TOPBP1: variants seen among roughly 807,000 people sequenced by gnomAD.
The protein encoded by TOPBP1 is DNA topoisomerase II binding protein 1.
Under a neutral mutation model 167.7 loss-of-function variants are expected in TOPBP1, and 28 were observed. The ratio of observed to expected loss-of-function variants is 0.17; its 90% CI spans 0.12 to 0.23. The LOEUF is 0.23. Ranked by LOEUF, TOPBP1 falls within the 10% of genes least tolerant of loss-of-function variation. The pLI is 1.00. For missense variants in TOPBP1, 1,554 were observed against 1,809.6 expected (o/e 0.86, Z 2.56); for synonymous variants, 598 against 611.4 (o/e 0.98, Z 0.32).
chr3:133,645,842 C>A (rs1275264797), intron 10 of TOPBP1, among the ~76,000 whole-genome samples: 4 of 152,098 alleles, frequency 2.6e-5, no homozygotes, highest in Non-Finnish European at 2.9e-5. Flanking sequence ...ACATAATAAA[C>A]CTATCATTCA....
chr3:133,611,331 A>C (rs1934667844), intron 24 of TOPBP1, among the ~76,000 whole-genome samples, 190 bp from the exon 25 acceptor site: 1 of 152,258 alleles, frequency 6.6e-6, no homozygotes, highest in African/African-American at 2.4e-5. Context: ...TTCATATAAG[A>C]GTCAAGTATA....
At chr3:133,652,175 G>A (rs1248182826) in intron 8 of TOPBP1, among the ~76,000 whole-genome samples, 1 of 152,014 alleles carries the variant, frequency 6.6e-6, no homozygotes, top group African/African-American at 2.4e-5. Context: ...CAGAAACTAA[G>A]TGCTCTCGAA....
Position 133,659,008 on chromosome 3 carries a change from C to G in TOPBP1, c.219+8G>C, listed in dbSNP as rs1936586006. On this transcript the variant is annotated splice_region_variant and intron_variant, in intron 3 of 27. Coordinates refer to ENST00000260810, the MANE Select transcript of TOPBP1 (RefSeq NM_007027.4). The stretch of plus-strand genomic sequence containing the variant: ...ACTACCAAAGGTACACACTAGAAGT[C>G]AGCAAACCTTTTTGAGGTGATCAAA... 6.3e-7 allele frequency: 1 copy of G among 1,592,696 alleles called. No individual in the cohort carries two copies. The highest frequency in any genetic ancestry group is 1.3e-5 in the African/African-American group (1 of 74,286).
At chr3:133,653,314 G>GA (rs753283679) in intron 7 of TOPBP1, 31 bp downstream of exon 7, 1 of 1,526,894 alleles carries the variant, frequency 6.5e-7, no homozygotes, top group Non-Finnish European at 8.8e-7. Flanking sequence ...ACTGTCTTCA[G>GA]AATAATTATT....
At chr3:133,617,115 C>T (rs753430937) in intron 22 of TOPBP1, 45 bp downstream of exon 22, 2 of 1,548,054 alleles carry the variant, frequency 1.3e-6, no homozygotes, top group Admixed American at 4.3e-5. Flanking sequence ...TACAGCCTAA[C>T]AGCAGTATGC....
In TOPBP1 at chr3:133,628,379, A is replaced by G; in HGVS notation, c.2787T>C (p.Ser929=). The change falls in exon 16 of 28, where the codon TCT becomes TCC. Residue 929 remains serine (S), a synonymous_variant. Coordinates refer to ENST00000260810, the MANE Select transcript of TOPBP1 (RefSeq NM_007027.4). ...CCAACTACCTGTAATCTGCTCCTAG[A>G]GAGGCTGCGATCCCATTTAGTTCAC... ...KQSELNGIAA[S]LGADYRWSFD... The G allele has an allele frequency of 6.2e-7, 1 of 1,602,316 alleles. No homozygotes were observed. The highest frequency in any genetic ancestry group is 8.5e-7 in the Non-Finnish European group (1 of 1,173,772).
Position 133,649,849 on chromosome 3 carries a change from T to C in TOPBP1, c.1184A>G (p.Asp395Gly), listed in dbSNP as rs755071072. ...ATCTCCCACAATAACATGAGTTACA[T>C]CTTCATTTAGCTGGTTAAAACGAAC... ...GGVRFNQLNE[D>G]VTHVIVGDYD... The change falls in exon 9 of 28, where the codon GAT becomes GGT. Residue 395 changes from aspartate (D) to glycine (G), a missense_variant. Physicochemically the swap from Asp to Gly is moderately conservative, Grantham distance 94. This residue lies in a region of TOPBP1 where 1,197 missense variants were observed against 1,351.5 expected (regional missense o/e 0.89). Coordinates refer to ENST00000260810, the MANE Select transcript of TOPBP1 (RefSeq NM_007027.4). The C allele has an allele frequency of 6.2e-7, 1 of 1,613,326 alleles. No homozygotes were observed. The highest frequency in any genetic ancestry group is 8.5e-7 in the Non-Finnish European group (1 of 1,179,720).
At position 133,637,954 on chromosome 3, in the gene TOPBP1, C is replaced by T. The variant is rs1935734170; in HGVS notation, c.2442G>A (p.Lys814=). 1 of 1,613,978 alleles carries T rather than the reference C, an allele frequency of 6.2e-7. No homozygotes were observed. Among genetic ancestry groups the T allele is most frequent in the Non-Finnish European group, 8.5e-7 (1 of 1,179,868 alleles). Residue 814 remains lysine, a synonymous_variant, in exon 14 of 28, where the codon AAG becomes AAA. Coordinates refer to ENST00000260810, the MANE Select transcript of TOPBP1 (RefSeq NM_007027.4). ...ASPAVGQPLQ[K]EPSLHLDTPS... ...GTGTATCCAGGTGTAACGAGGGCTCCTTCTGAAGTGGTTGTCCTACTGCTG... is the reference window on the plus strand; with the variant it reads ...GTGTATCCAGGTGTAACGAGGGCTCTTTCTGAAGTGGTTGTCCTACTGCTG...
intron 16 of TOPBP1, among the ~76,000 whole-genome samples, chr3:133,625,147 A>C (rs998782601): frequency 1.3e-5 from 2 of 152,108 alleles, no homozygotes; most frequent in African/African-American, 4.8e-5. Context: ...TTGTATTTCT[A>C]GTAGAGATGG....
intron 22 of TOPBP1, 117 bp from the exon 23 acceptor site, chr3:133,617,042 C>G: frequency 1.5e-6 from 2 of 1,350,706 alleles, no homozygotes; most frequent in Non-Finnish European, 2.0e-6. Flanking sequence ...AATAATGATA[C>G]AATGCAAAAA....
At chr3:133,656,422 TA>T (rs1330156337) in intron 5 of TOPBP1, among the ~76,000 whole-genome samples, 4 of 152,224 alleles carry the variant, frequency 2.6e-5, no homozygotes, top group Non-Finnish European at 4.4e-5. Flanking sequence ...CAGAAATATT[TA>T]CAGCTGAGAA....
intron 16 of TOPBP1, among the ~76,000 whole-genome samples, chr3:133,626,584 T>C (rs1389380677): frequency 4.6e-5 from 7 of 152,210 alleles, no homozygotes; most frequent in Non-Finnish European, 8.8e-5. Context: ...GTGACTACTG[T>C]ATAAATTGAT....
At position 133,611,074 on chromosome 3, in the gene TOPBP1, C is replaced by T. The variant is rs759677061; in HGVS notation, c.4103G>A (p.Arg1368Gln). ...DVLTGINVQQ[R>Q]RLALAAMRWR... ...TCTCATTGCTGCAAGTGCTAGTCTTCGTTGCTGTACATTGATTCCAGTCAG... is the reference window on the plus strand; with the variant it reads ...TCTCATTGCTGCAAGTGCTAGTCTTTGTTGCTGTACATTGATTCCAGTCAG... The change falls in exon 25 of 28, where the codon CGA becomes CAA. Residue 1368 changes from arginine to glutamine, a missense_variant. Physicochemically the swap from Arg to Gln is conservative, Grantham distance 43. This residue lies in a region of TOPBP1 where 351 missense variants were observed against 432.9 expected (regional missense o/e 0.81). Transcript: ENST00000260810. The T allele has an allele frequency of 4.3e-6, 7 of 1,613,284 alleles. No homozygotes were observed. Among genetic ancestry groups the T allele is most frequent in the East Asian group, 2.2e-5 (1 of 44,870 alleles).
At chr3:133,622,103 G>A (rs1050386757) in intron 19 of TOPBP1, among the ~76,000 whole-genome samples, 3 of 150,336 alleles carry the variant, frequency 2.0e-5, no homozygotes, top group African/African-American at 7.3e-5. Context: ...GAAGCTCCTA[G>A]TTATCTACTG....
chr3:133,618,236 T>C lies in TOPBP1; in HGVS notation c.3569A>G (p.His1190Arg), dbSNP rs779093286. ...LEDSPFQKPL[H>R]DSEIAKQAVC... is the part of the protein sequence containing the mutation. Reference sequence around the variant, plus strand: ...ACCCTGTTTAGCAATTTCTGAATCATGTAAAGGCTTTTGAAAAGGAGAATC... The same window carrying C: ...ACCCTGTTTAGCAATTTCTGAATCACGTAAAGGCTTTTGAAAAGGAGAATC... Residue 1190 changes from histidine (H) to arginine (R), a missense_variant, in exon 21 of 28, where the codon CAT (histidine) becomes CGT (arginine). His to Arg is a conservative substitution (Grantham distance 29). This residue lies in a region of TOPBP1 where 351 missense variants were observed against 432.9 expected (regional missense o/e 0.81). Transcript: ENST00000260810. The C allele has an allele frequency of 4.2e-5, 68 of 1,613,782 alleles. 1 individual carries two copies. The highest frequency in any genetic ancestry group is 5.6e-5 in the Non-Finnish European group (66 of 1,179,802).
chr3:133,656,616 C>T, intron 5 of TOPBP1, 60 bp downstream of exon 5: 3 of 1,498,056 alleles, frequency 2.0e-6, no homozygotes, highest in Non-Finnish European at 2.7e-6. Context: ...TATCACATGC[C>T]AAAAATGATT....
chr3:133,652,182 C>T (rs1053461442), intron 8 of TOPBP1, among the ~76,000 whole-genome samples: 3 of 151,676 alleles, frequency 2.0e-5, no homozygotes, highest in Admixed American at 6.6e-5. Context: ...TAAGTGCTCT[C>T]GAAATATAGC....
Position 133,608,597 on chromosome 3 carries a change from C to T in TOPBP1, c.4363G>A (p.Glu1455Lys), listed in dbSNP as rs1040206409. Residue 1455 changes from glutamate (E) to lysine (K), a missense_variant, in exon 27 of 28, where the codon GAA (glutamate) becomes AAA (lysine). Physicochemically the swap from Glu to Lys is moderately conservative, Grantham distance 56 (BLOSUM62 1). Transcript: ENST00000260810. ...CAGTACACGTTCTGGGCAGCAGCTTCTGCTATATTAACTCCTGAGTCATCT... is the reference window on the plus strand; with the variant it reads ...CAGTACACGTTCTGGGCAGCAGCTTTTGCTATATTAACTCCTGAGTCATCT... ...KPDDSGVNIA[E>K]AAAQNVYCLR... 34 of 1,613,720 alleles carry T rather than the reference C, an allele frequency of 2.1e-5. No individual in the cohort carries two copies. The highest frequency in any genetic ancestry group is 4.0e-5 in the African/African-American group (3 of 74,924).
At chr3:133,606,179 C>G (rs761334832) in intron 27 of TOPBP1, among the ~76,000 whole-genome samples, 33 of 152,064 alleles carry the variant, frequency 2.2e-4, no homozygotes, top group Non-Finnish European at 3.7e-4. Flanking sequence ...CAGAGTGAGA[C>G]CTTGCCTCAA....
Sources: allele counts gnomAD v4.1 joint callset (sites outside exome capture counted in the v4.1 genomes callset), GRCh38; gene constraint gnomAD v4.1.1; regional missense constraint gnomAD v4.1.1; transcripts MANE v1.5; gene names NCBI Gene and HGNC (gene_info 2026-07-23, HGNC 2026-07-21).